The following MAD1L1 variants were observed in gnomAD, a reference collection of about 807,000 sequenced individuals.
MAD1L1 encodes the protein mitotic spindle assembly checkpoint protein MAD1.
A neutral mutation model predicts 96.9 loss-of-function variants in MAD1L1; 95 were observed. That is an observed-to-expected ratio of 0.98 (90% CI 0.83 to 1.16). The LOEUF (loss-of-function observed/expected upper bound fraction) is 1.16. Among genes scored for constraint, MAD1L1 ranks in the 50% most tolerant of loss-of-function variants. The probability of loss-of-function intolerance (pLI) is 0.00; values close to 1 mark genes in which losing one functional copy is unlikely to be tolerated. For synonymous variants in MAD1L1, 473 were observed against 396.6 expected, an observed-to-expected ratio of 1.19 and a Z score of -2.29; for missense variants, 1,007 against 954.4, an observed-to-expected ratio of 1.06 and a Z score of -0.73.
chr7:2,080,526 C>A (rs1397158705), intron 11 of MAD1L1, among the ~76,000 whole-genome samples: 1 of 134,070 alleles, frequency 7.5e-6, no homozygotes, highest in South Asian at 2.9e-4. Flanking sequence ...AACCCACCCA[C>A]CCACCCTCAT....
intron 18 of MAD1L1, among the ~76,000 whole-genome samples, chr7:1,893,748 G>C (rs1786697670): frequency 6.6e-6 from 1 of 152,214 alleles, no homozygotes; most frequent in South Asian, 2.1e-4. Context: ...TGACAGATGG[G>C]GAAACTGAGT....
At chr7:1,823,481 C>A (rs1020439001) in intron 18 of MAD1L1, among the ~76,000 whole-genome samples, 2 of 152,146 alleles carry the variant, frequency 1.3e-5, no homozygotes, top group African/African-American at 4.8e-5. Context: ...AGGGCGCCAG[C>A]GTCTCCCTGC....
intron 18 of MAD1L1, among the ~76,000 whole-genome samples, chr7:1,841,986 C>A (rs147713449): frequency 0.015 from 2,256 of 152,320 alleles, 52 homozygotes; most frequent in African/African-American, 0.051. Flanking sequence ...CGCGCTCGGC[C>A]GCCATCTTCC....
In MAD1L1 at chr7:2,119,332, G is replaced by A. The variant is rs989557153; in HGVS notation, c.1073+29820C>T. On this transcript the variant is annotated intron_variant, in intron 11 of 18. Coordinates refer to ENST00000265854, the MANE Select transcript of MAD1L1 (RefSeq NM_001013836.2). The surrounding 1 kb of genome is among the most constrained non-coding windows in gnomAD (Gnocchi z 4.6). The stretch of plus-strand genomic sequence containing the variant: ...GGCTCTCCGCAGCGCCTTCCCTATC[G>A]CATCTCCATCACCCACCCTTTCTGA... Among the ~76,000 whole-genome samples, 2 of 152,090 alleles carry A rather than the reference G, an allele frequency of 1.3e-5. No individual in the cohort carries two copies. Among genetic ancestry groups the A allele is most frequent in the Non-Finnish European group, 2.9e-5 (2 of 68,016 alleles).
At position 1,937,068 on chromosome 7, in the gene MAD1L1, A is replaced by G. The variant is rs200295379; in HGVS notation, c.1597-171T>C. On this transcript the variant is annotated intron_variant, in intron 16 of 18. Transcript: ENST00000265854. ...CTGCCTGGCAGCCATCTCTCCTGGAAGGAGTGGCTCCTTCCCTGTGCCCTG... is the reference window on the plus strand; with the variant it reads ...CTGCCTGGCAGCCATCTCTCCTGGAGGGAGTGGCTCCTTCCCTGTGCCCTG... Among the ~76,000 whole-genome samples the G allele has an allele frequency of 1.1e-4, 17 of 152,346 alleles. No individual in the cohort carries two copies. In the East Asian group the frequency reaches 3.1e-3, roughly 28 times the overall value.
intron 18 of MAD1L1, among the ~76,000 whole-genome samples, chr7:1,868,334 G>A (rs1390265474): frequency 2.0e-5 from 3 of 152,160 alleles, no homozygotes; most frequent in African/African-American, 4.8e-5. Context: ...CCTGGGTACT[G>A]TGGAGGCAGC....
chr7:1,923,142 A>G (rs1238271115), intron 17 of MAD1L1, among the ~76,000 whole-genome samples: 3 of 152,160 alleles, frequency 2.0e-5, no homozygotes, highest in African/African-American at 7.2e-5. Context: ...CTGGGCCTGG[A>G]GATATCCTTT....
intron 12 of MAD1L1, among the ~76,000 whole-genome samples, chr7:2,032,507 A>G (rs1783272862): frequency 6.6e-6 from 1 of 152,174 alleles, no homozygotes; most frequent in African/African-American, 2.4e-5. Flanking sequence ...CCATTACCCA[A>G]ACAGCTCTGA....
intron 13 of MAD1L1, among the ~76,000 whole-genome samples, chr7:2,010,011 C>A (rs983644663): frequency 6.6e-6 from 1 of 151,736 alleles, no homozygotes; most frequent in Non-Finnish European, 1.5e-5. Context: ...AGCCCAGACT[C>A]CAGGGTGGTT....
Position 2,210,020 on chromosome 7 carries a change from C to T in MAD1L1, c.986+3192G>A, listed in dbSNP as rs533026852. On this transcript the variant is annotated intron_variant, in intron 10 of 18. Transcript: ENST00000265854. The stretch of plus-strand genomic sequence containing the variant: ...AGACACGGGAAATTCCTAAGAACTA[C>T]CCCAAACCTGGTCCCTAAAAACAGA... 4 of 152,272 alleles carry T rather than the reference C, an allele frequency of 2.6e-5. No homozygotes were observed. The South Asian group carries it at 8.3e-4, about 31-fold the overall frequency. The allele number at this position is 152,272 out of a possible 1,614,324, so 9.4% of individuals were successfully genotyped here. A position where few individuals can be genotyped will look rare whatever the true frequency, so the allele number is the denominator to read the frequency against.
At chr7:1,921,527 T>TG (rs1464855580) in intron 17 of MAD1L1, among the ~76,000 whole-genome samples, 1 of 152,180 alleles carries the variant, frequency 6.6e-6, no homozygotes, top group African/African-American at 2.4e-5. Context: ...TTCACCTTGT[T>TG]GGCCAGGCTG....
At chr7:1,868,225 A>G (rs565682859) in intron 18 of MAD1L1, among the ~76,000 whole-genome samples, 21 of 152,140 alleles carry the variant, frequency 1.4e-4, no homozygotes. Context: ...GAGGCAGAAC[A>G]GGGAGCCAAG....
chr7:2,227,525 C>G (rs1793965375), intron 3 of MAD1L1, among the ~76,000 whole-genome samples: 1 of 152,014 alleles, frequency 6.6e-6, no homozygotes, highest in African/African-American at 2.4e-5. Flanking sequence ...TTAAACAGCC[C>G]ACAATGCACA....
At chr7:2,104,375 C>T (rs1042574844) in intron 11 of MAD1L1, among the ~76,000 whole-genome samples, 1 of 152,246 alleles carries the variant, frequency 6.6e-6, no homozygotes, top group Non-Finnish European at 1.5e-5. Flanking sequence ...GTCACGGCGG[C>T]GCAATAGCAG....
At chr7:1,941,754 G>A (rs1031199669) in intron 16 of MAD1L1, among the ~76,000 whole-genome samples, 7 of 152,234 alleles carry the variant, frequency 4.6e-5, no homozygotes, top group South Asian at 2.1e-4. Context: ...GGGCACCTGC[G>A]GCTGGGGCTG....
intron 18 of MAD1L1, among the ~76,000 whole-genome samples, chr7:1,823,704 G>A (rs903314244): frequency 3.9e-5 from 6 of 152,214 alleles, no homozygotes; most frequent in Non-Finnish European, 5.9e-5. Flanking sequence ...AGCGGCCATC[G>A]TGAGGGCAGA....
intron 18 of MAD1L1, among the ~76,000 whole-genome samples, chr7:1,841,276 G>C (rs1042073181): frequency 5.3e-5 from 8 of 152,232 alleles, no homozygotes; most frequent in Non-Finnish European, 1.0e-4. Context: ...ACTCACATGG[G>C]GGGCGAGGAC....
At chr7:1,979,491 C>T (rs1312464544) in intron 15 of MAD1L1, among the ~76,000 whole-genome samples, 1 of 152,268 alleles carries the variant, frequency 6.6e-6, no homozygotes, top group Non-Finnish European at 1.5e-5. Context: ...TCAATCCGCA[C>T]TGGATGGGGC....
intron 11 of MAD1L1, among the ~76,000 whole-genome samples, chr7:2,112,158 T>C (rs1212473920): frequency 6.6e-6 from 1 of 151,646 alleles, no homozygotes; most frequent in African/African-American, 2.4e-5. Flanking sequence ...TATGACGTTC[T>C]GGAAAAGGCA....
Sources: allele counts gnomAD v4.1 joint callset (sites outside exome capture counted in the v4.1 genomes callset), GRCh38; gene constraint gnomAD v4.1.1; non-coding constraint Gnocchi (gnomAD v3.1); transcripts MANE v1.5; gene names NCBI Gene and HGNC (gene_info 2026-07-23, HGNC 2026-07-21).